PPARGC1B: variants seen among roughly 807,000 people sequenced by gnomAD.
The protein encoded by PPARGC1B is PPARG coactivator 1 beta, also known as peroxisome proliferator-activated receptor gamma coactivator 1-beta.
In PPARGC1B, 34 loss-of-function variants were observed where a neutral mutation model predicts 101.6. The observed-to-expected ratio is 0.33, with a 90% CI of 0.25 to 0.45. The LOEUF (loss-of-function observed/expected upper bound fraction) is 0.45. PPARGC1B is among the 20% of genes least tolerant of loss of function. PPARGC1B has a pLI of 1.00. For synonymous variants in PPARGC1B, 548 were observed against 539.3 expected, an observed-to-expected ratio of 1.02 and a Z score of -0.22; for missense variants, 1,234 against 1,317.6, an observed-to-expected ratio of 0.94 and a Z score of 0.98.
chr5:149,751,425 G>T (rs774078155), intron 1 of PPARGC1B, among the ~76,000 whole-genome samples: 11 of 152,172 alleles, frequency 7.2e-5, no homozygotes, highest in Non-Finnish European at 1.6e-4. Flanking sequence ...ACTAATCCCG[G>T]CCGGGCACGC....
In PPARGC1B at chr5:149,737,411, G is replaced by C. The variant is rs990476300; in HGVS notation, c.78+6991G>C. On this transcript the variant is annotated intron_variant, in intron 1 of 11. Coordinates refer to ENST00000309241, the MANE Select transcript of PPARGC1B (RefSeq NM_133263.4). ...AAAACCCTGAATTTTCCTCCTGGAGGCTTAGACTCAGGCTGCCCTTTTCTG... is the reference window on the plus strand; with the variant it reads ...AAAACCCTGAATTTTCCTCCTGGAGCCTTAGACTCAGGCTGCCCTTTTCTG... Among the ~76,000 whole-genome samples, 7 of 152,126 alleles carry C rather than the reference G, an allele frequency of 4.6e-5. No homozygotes were observed. The East Asian group carries it at 1.3e-3, about 29-fold the overall frequency.
At position 149,845,809 on chromosome 5, in the gene PPARGC1B, C is replaced by T. The variant is rs1180477755; in HGVS notation, c.2866C>T (p.Leu956Phe). 6.2e-7 allele frequency: 1 copy of T among 1,614,096 alleles called. No homozygotes were observed. Among genetic ancestry groups the T allele is most frequent in the African/African-American group, 1.3e-5 (1 of 75,070 alleles). ...ITYRCSEHAA[L>F]SLTKGAALRK... Reference sequence around the variant, plus strand: ...CTACCGGTGTTCTGAGCACGCGGCCCTCTCTTTGACAAAGGGCGCTGCCCT... The same window carrying T: ...CTACCGGTGTTCTGAGCACGCGGCCTTCTCTTTGACAAAGGGCGCTGCCCT... Residue 956 changes from leucine to phenylalanine, a missense_variant, in exon 11 of 12, where the codon CTC becomes TTC. Coordinates refer to ENST00000309241, the MANE Select transcript of PPARGC1B (RefSeq NM_133263.4).
intron 1 of PPARGC1B, among the ~76,000 whole-genome samples, chr5:149,748,529 C>A (rs935250706): frequency 7.2e-5 from 11 of 152,206 alleles, no homozygotes; most frequent in African/African-American, 2.6e-4. Context: ...TTTGAGCAAG[C>A]CTTGCTCCCT....
chr5:149,845,537 AGATGT>A, intron 10 of PPARGC1B: 1 of 549,654 alleles, frequency 1.8e-6, no homozygotes, highest in Non-Finnish European at 3.2e-6. Context: ...GTCTGAGGCA[AGATGT>A]GATGGCCAAC....
chr5:149,851,945 A>C lies in PPARGC1B; in HGVS notation c.*4387A>C, dbSNP rs1272568928. On this transcript the variant is annotated 3_prime_UTR_variant, in exon 12 of 12. Transcript: ENST00000309241. The stretch of plus-strand genomic sequence containing the variant: ...CTTCAGCCTGGGTCCGTGTTTCTAC[A>C]CTGGAAAATACGAGTCTCCTTTGGC... 1 of 152,270 alleles carries C rather than the reference A, an allele frequency of 6.6e-6. No individual in the cohort carries two copies. The allele number at this position is 152,270 out of a possible 1,614,324, so 9.4% of individuals were successfully genotyped here.
intron 1 of PPARGC1B, among the ~76,000 whole-genome samples, chr5:149,791,206 G>A (rs372048245): frequency 5.4e-5 from 7 of 130,306 alleles, no homozygotes; most frequent in Non-Finnish European, 8.1e-5. Flanking sequence ...TGTCTGGGGC[G>A]GGGGGCGGGG....
Position 149,848,646 on chromosome 5 carries a change from C to A in PPARGC1B, c.*1088C>A, listed in dbSNP as rs1759664443. ...GCATGTGTCTTGGATGCACCATCAG[C>A]TTTGATCCTGAGTGGTCCTGCGGTT... On this transcript the variant is annotated 3_prime_UTR_variant, in exon 12 of 12. Coordinates refer to ENST00000309241, the MANE Select transcript of PPARGC1B (RefSeq NM_133263.4). 1 of 152,252 alleles carries A rather than the reference C, an allele frequency of 6.6e-6. No homozygotes were observed. Among genetic ancestry groups the A allele is most frequent in the Admixed American group, 6.5e-5 (1 of 15,272 alleles). 9.4% of individuals were successfully genotyped at this position (152,252 alleles called of 1,614,324 possible). A position where few individuals can be genotyped will look rare whatever the true frequency, so the allele number is the denominator to read the frequency against.
Position 149,777,480 on chromosome 5 carries a change from A to G in PPARGC1B, c.79-42953A>G, listed in dbSNP as rs186321913. ...AGGCCTGGCCTGAGTGGTGCTGACA[A>G]TCAGGAGTGGGAGGGGGCCTGCCTG... is the stretch of plus-strand genomic sequence containing the variant. On this transcript the variant is annotated intron_variant, in intron 1 of 11. Transcript: ENST00000309241. Among the ~76,000 whole-genome samples the G allele has an allele frequency of 7.2e-5, 11 of 152,152 alleles. No homozygotes were observed. In the East Asian group the frequency reaches 1.9e-3, roughly 27 times the overall value.
At chr5:149,770,947 A>G (rs911065758) in intron 1 of PPARGC1B, among the ~76,000 whole-genome samples, 2 of 152,210 alleles carry the variant, frequency 1.3e-5, no homozygotes, top group African/African-American at 2.4e-5. Context: ...AATGTGACAC[A>G]AAATTATTAC....
chr5:149,775,314 C>T (rs880769), intron 1 of PPARGC1B, among the ~76,000 whole-genome samples: 36,038 of 152,140 alleles, frequency 0.24, 4,729 homozygotes, highest in Middle Eastern at 0.39. Flanking sequence ...ACTATCATCA[C>T]GGCCTTGTGT....
intron 1 of PPARGC1B, among the ~76,000 whole-genome samples, chr5:149,819,632 T>C (rs1033159796): frequency 6.6e-6 from 1 of 152,164 alleles, no homozygotes; most frequent in African/African-American, 2.4e-5. Flanking sequence ...TCTCCCAAGT[T>C]ACTGAGATTA....
chr5:149,799,693 GTTTTTTT>G (rs11371560), intron 1 of PPARGC1B, among the ~76,000 whole-genome samples: 1 of 76,480 alleles, frequency 1.3e-5, no homozygotes, highest in African/African-American at 5.7e-5. Context: ...GCTTGTTGTT[GTTTTTTT>G]TTTTTTTTTT....
At chr5:149,753,894 A>T (rs765469747) in intron 1 of PPARGC1B, among the ~76,000 whole-genome samples, 2 of 152,036 alleles carry the variant, frequency 1.3e-5, no homozygotes, top group Non-Finnish European at 2.9e-5. Flanking sequence ...GGATTTTGCC[A>T]TGTTGGCCAG....
intron 1 of PPARGC1B, among the ~76,000 whole-genome samples, chr5:149,812,592 T>C (rs1002176673): frequency 2.0e-5 from 3 of 152,238 alleles, no homozygotes; most frequent in African/African-American, 7.2e-5. Context: ...CCAAGTGCTT[T>C]AGTTATTTTA....
intron 10 of PPARGC1B, among the ~76,000 whole-genome samples, chr5:149,843,999 A>G (rs1759450283): frequency 6.6e-6 from 1 of 152,216 alleles, no homozygotes; most frequent in South Asian, 2.1e-4. Context: ...GAGGAGGAAT[A>G]AGGGAGGTGT....
intron 1 of PPARGC1B, among the ~76,000 whole-genome samples, chr5:149,794,521 C>A (rs542257534): frequency 3.7e-5 from 3 of 81,290 alleles, no homozygotes; most frequent in African/African-American, 1.4e-4. Flanking sequence ...TGTATGTGAG[C>A]GTGCACACAC....
At chr5:149,792,738 TATTC>T (rs373254833) in intron 1 of PPARGC1B, among the ~76,000 whole-genome samples, 9,168 of 152,022 alleles carry the variant, frequency 0.06, 345 homozygotes, top group African/African-American at 0.1. Context: ...TCCGTAGTTG[TATTC>T]ATTCATTCAT....
intron 1 of PPARGC1B, among the ~76,000 whole-genome samples, chr5:149,741,169 C>T (rs1580999682): frequency 6.6e-6 from 1 of 152,162 alleles, no homozygotes; most frequent in African/African-American, 2.4e-5. Context: ...CGTATTTTTT[C>T]CCTGTGATTG....
At chr5:149,736,696 T>C (rs1163449198) in intron 1 of PPARGC1B, among the ~76,000 whole-genome samples, 1 of 152,160 alleles carries the variant, frequency 6.6e-6, no homozygotes, top group Non-Finnish European at 1.5e-5. Flanking sequence ...CCTCTTAGAG[T>C]GCATATCTGA....
Sources: gnomAD v4.1 joint callset for allele counts (sites outside exome capture counted in the v4.1 genomes callset) on GRCh38, gnomAD v4.1.1 for gene constraint, MANE v1.5 for transcripts, NCBI Gene and HGNC (gene_info 2026-07-23, HGNC 2026-07-21) for gene names.